ARHGEF10L: variants seen among roughly 807,000 people sequenced by gnomAD.
The protein encoded by ARHGEF10L is rho guanine nucleotide exchange factor 10-like protein.
A neutral mutation model predicts 141.2 loss-of-function variants in ARHGEF10L; 69 were observed. That is an observed-to-expected ratio of 0.49 (90% confidence interval 0.40 to 0.60). ARHGEF10L has a LOEUF of 0.60. ARHGEF10L is among the 20% of genes least tolerant of loss of function. The pLI, the probability that ARHGEF10L is intolerant of heterozygous loss-of-function variation, is 0.00. For missense variants in ARHGEF10L, 1,482 were observed against 1,734.3 expected, an observed-to-expected ratio of 0.85 and a Z score of 2.58; for synonymous variants, 711 against 718.5, an observed-to-expected ratio of 0.99 and a Z score of 0.17.
chr1:17,637,653 C>T (rs2061085328), intron 18 of ARHGEF10L, among the ~76,000 whole-genome samples: 2 of 152,146 alleles, frequency 1.3e-5, no homozygotes, highest in Admixed American at 1.3e-4. Context: ...TGCCCGCCAC[C>T]ATGCCCGGCT....
chr1:17,601,334 C>T (rs2080664549), intron 4 of ARHGEF10L, among the ~76,000 whole-genome samples: 1 of 152,232 alleles, frequency 6.6e-6, no homozygotes, highest in Non-Finnish European at 1.5e-5. Flanking sequence ...TGCTGTTTCC[C>T]ATTTGCATGT....
At chr1:17,562,516 A>G (rs1317037104) in intron 1 of ARHGEF10L, among the ~76,000 whole-genome samples, 1 of 152,212 alleles carries the variant, frequency 6.6e-6, no homozygotes, top group Non-Finnish European at 1.5e-5. Flanking sequence ...AGCACTGCAT[A>G]TGGTTCCTGG....
At chr1:17,553,003 C>T (rs982509659) in intron 1 of ARHGEF10L, among the ~76,000 whole-genome samples, 1 of 152,196 alleles carries the variant, frequency 6.6e-6, no homozygotes, top group African/African-American at 2.4e-5. Context: ...GACTTTGGGA[C>T]ACCCCAGTCC....
At chr1:17,524,756 T>C in the ARHGEF10L span, among the ~76,000 whole-genome samples, 2 of 152,054 alleles carry the variant, frequency 1.3e-5, no homozygotes, top group African/African-American at 4.8e-5. Flanking sequence ...AGTAAGCACC[T>C]CCCATCATGT....
chr1:17,551,983 C>A (rs368759588), intron 1 of ARHGEF10L, among the ~76,000 whole-genome samples: 1 of 152,190 alleles, frequency 6.6e-6, no homozygotes, highest in African/African-American at 2.4e-5. Flanking sequence ...GTTGGTGCTT[C>A]TGGGCAGGAG....
chr1:17,610,181 C>T (rs926081618), intron 7 of ARHGEF10L, among the ~76,000 whole-genome samples: 1 of 152,228 alleles, frequency 6.6e-6, no homozygotes, highest in Non-Finnish European at 1.5e-5. Flanking sequence ...CTGATTGAAT[C>T]ACAGATGCCA....
upstream of ARHGEF10L, among the ~76,000 whole-genome samples, chr1:17,537,713 T>G (rs2076595435): frequency 6.6e-6 from 1 of 151,218 alleles, no homozygotes; most frequent in Admixed American, 6.6e-5. Flanking sequence ...CAGGATCAGA[T>G]GGGAAATAAG....
intron 26 of ARHGEF10L, among the ~76,000 whole-genome samples, chr1:17,684,857 C>A (rs2064431094): frequency 6.6e-6 from 1 of 152,152 alleles, no homozygotes; most frequent in Non-Finnish European, 1.5e-5. Context: ...CTCTGGGGAG[C>A]CTGGCCTTTC....
intron 1 of ARHGEF10L, among the ~76,000 whole-genome samples, chr1:17,560,481 C>T (rs1228822312): frequency 6.6e-6 from 1 of 152,162 alleles, no homozygotes; most frequent in Non-Finnish European, 1.5e-5. Flanking sequence ...TTTGGGGTCC[C>T]TGATAGGCAG....
intron 1 of ARHGEF10L, among the ~76,000 whole-genome samples, chr1:17,570,097 G>A (rs553719616): frequency 2.0e-5 from 3 of 152,328 alleles, no homozygotes; most frequent in African/African-American, 4.8e-5. Flanking sequence ...CCAGGGGCCC[G>A]ACTTGGGACG....
In ARHGEF10L at chr1:17,619,493, C is replaced by T. The variant is rs1265518500; in HGVS notation, c.942+48C>T. The T allele has an allele frequency of 1.4e-6, 2 of 1,411,400 alleles. No individual in the cohort carries two copies. Among genetic ancestry groups the T allele is most frequent in the Non-Finnish European group, 1.9e-6 (2 of 1,037,850 alleles). 87.4% of individuals were successfully genotyped at this position (1,411,400 alleles called of 1,614,324 possible). On this transcript the variant is annotated intron_variant, in intron 10 of 28. Coordinates refer to ENST00000361221, the MANE Select transcript of ARHGEF10L (RefSeq NM_018125.4). This position sits in a 1 kb window ranked among gnomAD's most constrained non-coding sequence, Gnocchi z 5.0. ...TGGGGGTCTGCAGGGGAAGGGGTGG[C>T]TTGGGGGTTCCAGCCTGTTCTCTGG...
At chr1:17,618,251 C>A in intron 9 of ARHGEF10L, 1 of 1,353,808 alleles carries the variant, frequency 7.4e-7, no homozygotes, top group Non-Finnish European at 9.8e-7. Flanking sequence ...GGGCTCTCCT[C>A]AGCCCTCCCC....
At position 17,607,917 on chromosome 1, in the gene ARHGEF10L, G is replaced by A. The variant is rs961504946; in HGVS notation, c.549G>A (p.Glu183=). The change falls in exon 7 of 29, where the codon GAG becomes GAA. Residue 183 remains glutamate, a synonymous_variant. Transcript: ENST00000361221. The surrounding 1 kb of genome is among the most constrained non-coding windows in gnomAD (Gnocchi z 4.5). The stretch of plus-strand genomic sequence containing the variant: ...AGAGCTACAGCGAGGACTCGGGGGA[G>A]GAGGCCAAGCCGGAGGTCGAGGTCG... The part of the protein sequence containing the change: ...EFESYSEDSG[E]EAKPEVEVEP... 8.5e-6 allele frequency: 13 copies of A among 1,533,260 alleles called. No individual in the cohort carries two copies. Among genetic ancestry groups the A allele is most frequent in the Non-Finnish European group, 1.0e-5 (12 of 1,143,548 alleles). The allele number at this position is 1,533,260 out of a possible 1,614,324, so 95.0% of individuals were successfully genotyped here. A position where few individuals can be genotyped will look rare whatever the true frequency, so the allele number is the denominator to read the frequency against.
At chr1:17,608,112 G>C in intron 7 of ARHGEF10L, 135 bp downstream of exon 7, 1 of 969,452 alleles carries the variant, frequency 1.0e-6, no homozygotes, top group Non-Finnish European at 1.4e-6. Flanking sequence ...CCGGGTATGT[G>C]TGGTGAGAGG....
intron 1 of ARHGEF10L, among the ~76,000 whole-genome samples, chr1:17,575,659 T>G (rs577369960): frequency 6.6e-6 from 1 of 152,028 alleles, no homozygotes; most frequent in East Asian, 1.9e-4. Context: ...CTGACAGTGA[T>G]GGGGAAGGGT....
At position 17,613,038 on chromosome 1, in the gene ARHGEF10L, C is replaced by G. The variant is rs777828403; in HGVS notation, c.610-20C>G. On this transcript the variant is annotated intron_variant, in intron 7 of 28. Transcript: ENST00000361221. ...CTCCTCTCACCTGCTTTCCTTCTGC[C>G]TGGCCGCTTGGGGCTCCAGCTTTCT... 3 of 1,584,158 alleles carry G rather than the reference C, an allele frequency of 1.9e-6. No individual in the cohort carries two copies.
At position 17,621,292 on chromosome 1, in the gene ARHGEF10L, G is replaced by A. The variant is rs2060095349; in HGVS notation, c.943-572G>A. ...CTGTTGCCCAGGCTGGAGTGCAGTG[G>A]CGCGATCTTGGCCCACTGCAACCTC... On this transcript the variant is annotated intron_variant, in intron 10 of 28. Coordinates refer to ENST00000361221, the MANE Select transcript of ARHGEF10L (RefSeq NM_018125.4). The surrounding 1 kb of genome is among the most constrained non-coding windows in gnomAD (Gnocchi z 4.1). 6.6e-6 allele frequency among the ~76,000 whole-genome samples: 1 copy of A among 152,150 alleles called. No homozygotes were observed. The highest frequency in any genetic ancestry group is 1.5e-5 in the Non-Finnish European group (1 of 68,028).
At chr1:17,542,458 T>C (rs767147040) in intron 1 of ARHGEF10L, among the ~76,000 whole-genome samples, 2 of 152,072 alleles carry the variant, frequency 1.3e-5, no homozygotes, top group Non-Finnish European at 2.9e-5. Context: ...TAATTATATA[T>C]ATGAGAAAAG....
Position 17,627,262 on chromosome 1 carries a change from G to A in ARHGEF10L, c.1411-68G>A. On this transcript the variant is annotated intron_variant, in intron 14 of 28. Coordinates refer to ENST00000361221, the MANE Select transcript of ARHGEF10L (RefSeq NM_018125.4). The surrounding 1 kb of genome is among the most constrained non-coding windows in gnomAD (Gnocchi z 4.0). ...GTGTGTAGGGGGTTGCGCAGGGTGA[G>A]GCTTTGCCCCAGGCTGGGGTAGAGT... is the stretch of plus-strand genomic sequence containing the variant. The A allele has an allele frequency of 1.9e-6, 3 of 1,571,826 alleles. No individual in the cohort carries two copies. Among genetic ancestry groups the A allele is most frequent in the Non-Finnish European group, 2.6e-6 (3 of 1,153,398 alleles).
Sources: gnomAD v4.1 joint callset for allele counts (sites outside exome capture counted in the v4.1 genomes callset) on GRCh38, gnomAD v4.1.1 for gene constraint, Gnocchi (gnomAD v3.1) non-coding constraint, MANE v1.5 for transcripts, NCBI Gene and HGNC (gene_info 2026-07-23, HGNC 2026-07-21) for gene names.